HPRT1: variants seen among roughly 807,000 people sequenced by gnomAD.
HPRT1 encodes hypoxanthine-guanine phosphoribosyltransferase.
A neutral mutation model predicts 19.0 loss-of-function variants in HPRT1; 4 were observed. That is an observed-to-expected ratio of 0.21 (90% CI 0.10 to 0.48). The LOEUF (loss-of-function observed/expected upper bound fraction) is 0.48, where lower values mean the gene tolerates loss of function less well. Ranked by LOEUF, HPRT1 falls within the 20% of genes least tolerant of loss-of-function variation. The pLI, the probability that HPRT1 is intolerant of heterozygous loss-of-function variation, is 0.98. For synonymous variants in HPRT1, 53 were observed against 54.9 expected, an observed-to-expected ratio of 0.97 and a Z score of 0.15; for missense variants, 65 against 164.0, an observed-to-expected ratio of 0.40 and a Z score of 3.30.
rs779817345 is a variant in HPRT1, at chrX:134,467,041, C to CTTTTTTTTTTT, written c.28-6307_28-6297dup. Among the ~76,000 whole-genome samples, 22 of 61,003 alleles carry CTTTTTTTTTTT rather than the reference C, an allele frequency of 3.6e-4. 1 individual carries two copies. Among genetic ancestry groups the CTTTTTTTTTTT allele is most frequent in the African/African-American group, 1.5e-3 (21 of 13,657 alleles). 53.0% of individuals were successfully genotyped at this position (61,003 alleles called of 115,157 possible). The stretch of plus-strand genomic sequence containing the variant: ...TATGCCTTTCCCACTAGATTTTAAG[C>CTTTTTTTTTTT]TTTTTTTTTTTTTTTTTTTTTGTGA... On this transcript the variant is annotated intron_variant, in intron 1 of 8. Transcript: ENST00000298556.
At chrX:134,462,480 C>T (rs17882577) in intron 1 of HPRT1, among the ~76,000 whole-genome samples, 4,172 of 111,814 alleles carry the variant, frequency 0.037, 75 homozygotes, top group Middle Eastern at 0.065. Flanking sequence ...CTGCGCCCGG[C>T]CTAATATTTG....
At chrX:134,471,733 C>T (rs763185990) in intron 1 of HPRT1, among the ~76,000 whole-genome samples, 76 of 109,339 alleles carry the variant, frequency 7.0e-4, no homozygotes, top group African/African-American at 2.3e-3. Context: ...CTCCACCTCC[C>T]GGGCTCAGGT....
At chrX:134,485,929 A>G (rs934115463) in intron 3 of HPRT1, among the ~76,000 whole-genome samples, 1 of 112,135 alleles carries the variant, frequency 8.9e-6, no homozygotes, top group African/African-American at 3.2e-5. Context: ...GTATTCCTTA[A>G]AGGACTACTA....
At chrX:134,465,065 C>G (rs999663895) in intron 1 of HPRT1, among the ~76,000 whole-genome samples, 1 of 109,985 alleles carries the variant, frequency 9.1e-6, no homozygotes, top group Non-Finnish European at 1.9e-5. Context: ...GAATTACAGG[C>G]GCCCGCCACC....
chrX:134,464,558 A>G lies in HPRT1; in HGVS notation c.27+4220A>G, dbSNP rs970859203. 2.7e-5 allele frequency among the ~76,000 whole-genome samples: 3 copies of G among 112,071 alleles called. No individual in the cohort carries two copies. The Admixed American group carries it at 2.9e-4, about 11-fold the overall frequency. Reference sequence around the variant, plus strand: ...TATTGTTATACCTCTTTTAATTCACATAGCTCATTTTTATCTTTTATTTTT... The same window carrying G: ...TATTGTTATACCTCTTTTAATTCACGTAGCTCATTTTTATCTTTTATTTTT... On this transcript the variant is annotated intron_variant, in intron 1 of 8. Transcript: ENST00000298556.
intron 3 of HPRT1, among the ~76,000 whole-genome samples, chrX:134,480,766 T>TAC (rs748211684): frequency 3.5e-3 from 319 of 92,151 alleles, no homozygotes; most frequent in African/African-American, 6.3e-3. Flanking sequence ...TAACTTAAAA[T>TAC]ACACACACAC....
At chrX:134,481,824 A>C (rs2077641345) in intron 3 of HPRT1, among the ~76,000 whole-genome samples, 1 of 110,611 alleles carries the variant, frequency 9.0e-6, no homozygotes, top group African/African-American at 3.3e-5. Flanking sequence ...TGAAACCACA[A>C]ATTTTGTGAA....
chrX:134,472,089 G>A (rs1229968179), intron 1 of HPRT1, among the ~76,000 whole-genome samples: 3 of 110,815 alleles, frequency 2.7e-5, no homozygotes, highest in East Asian at 2.8e-4. Context: ...TTCTGCCTCC[G>A]CCTCCCGAGT....
chrX:134,476,358 C>T (rs1280924971), intron 3 of HPRT1, among the ~76,000 whole-genome samples: 1 of 112,345 alleles, frequency 8.9e-6, no homozygotes, highest in African/African-American at 3.2e-5. Context: ...TATGCCCATA[C>T]ATCATAACAC....
intron 4 of HPRT1, among the ~76,000 whole-genome samples, chrX:134,488,644 C>T (rs759845029): frequency 9.0e-6 from 1 of 111,263 alleles, no homozygotes; most frequent in South Asian, 3.8e-4. Flanking sequence ...GATGTAACTA[C>T]TTGATATAAT....
intron 3 of HPRT1, among the ~76,000 whole-genome samples, chrX:134,479,723 C>T (rs1469846095): frequency 3.6e-5 from 4 of 110,557 alleles, no homozygotes; most frequent in Non-Finnish European, 7.6e-5. Flanking sequence ...CTCCCACCTC[C>T]CTTTCCAGAG....
chrX:134,498,022 A>AT (rs1275773156), intron 6 of HPRT1, among the ~76,000 whole-genome samples: 1 of 111,839 alleles, frequency 8.9e-6, no homozygotes, highest in Non-Finnish European at 1.9e-5. Context: ...TAGGGATTGT[A>AT]TTTCCAAGGT....
chrX:134,475,383 TG>T lies in HPRT1; in HGVS notation c.318+20del. 1 of 1,031,166 alleles carries T rather than the reference TG, an allele frequency of 9.7e-7. No homozygotes were observed. Among genetic ancestry groups the T allele is most frequent in the Non-Finnish European group, 1.4e-6 (1 of 733,174 alleles). 85.0% of individuals were successfully genotyped at this position (1,031,166 alleles called of 1,213,427 possible). A position where few individuals can be genotyped will look rare whatever the true frequency, so the allele number is the denominator to read the frequency against. On this transcript the variant is annotated intron_variant, in intron 3 of 8. Transcript: ENST00000298556. ...CTATTGTGTGAGTATATTTAATATATGATTCTTTTTAGTGGCAACAGTAGGT... is the reference window on the plus strand; with the variant it reads ...CTATTGTGTGAGTATATTTAATATATATTCTTTTTAGTGGCAACAGTAGGT...
At chrX:134,464,899 A>C (rs1023992471) in intron 1 of HPRT1, among the ~76,000 whole-genome samples, 6 of 108,417 alleles carry the variant, frequency 5.5e-5, no homozygotes, top group African/African-American at 2.0e-4. Context: ...ACTTCCATTA[A>C]GTCTTGTTTG....
At chrX:134,471,967 G>A (rs1382001356) in intron 1 of HPRT1, among the ~76,000 whole-genome samples, 1 of 109,766 alleles carries the variant, frequency 9.1e-6, no homozygotes, top group African/African-American at 3.3e-5. Context: ...TTTTTTGTTT[G>A]TTTTGTTTTG....
chrX:134,498,657 C>T lies in HPRT1; in HGVS notation c.582C>T (p.Asp194=). The T allele has an allele frequency of 8.5e-7, 1 of 1,174,616 alleles. No individual in the cohort carries two copies. Among genetic ancestry groups the T allele is most frequent in the South Asian group, 1.8e-5 (1 of 56,111 alleles). The part of the protein sequence containing the change: ...PDKFVVGYAL[D]YNEYFRDLNH... ...AGTTTGTTGTAGGATATGCCCTTGACTATAATGAATACTTCAGGGATTTGA... is the reference window on the plus strand; with the variant it reads ...AGTTTGTTGTAGGATATGCCCTTGATTATAATGAATACTTCAGGGATTTGA... The change falls in exon 8 of 9, where the codon GAC becomes GAT. Residue 194 remains aspartate (D), a synonymous_variant. Coordinates refer to ENST00000298556, the MANE Select transcript of HPRT1 (RefSeq NM_000194.3).
At chrX:134,477,015 G>GTTTATTTTATTTTAT (rs200027842) in intron 3 of HPRT1, among the ~76,000 whole-genome samples, 5 of 97,714 alleles carry the variant, frequency 5.1e-5, no homozygotes, top group Non-Finnish European at 1.0e-4. Flanking sequence ...TTATTGATAT[G>GTTTATTTTATTTTAT]TTTATTTTAT....
chrX:134,461,830 GCTCT>G (rs933053833), intron 1 of HPRT1, among the ~76,000 whole-genome samples: 2 of 111,383 alleles, frequency 1.8e-5, no homozygotes, highest in Admixed American at 1.9e-4. Flanking sequence ...CTCGAACCTA[GCTCT>G]CTCTCTCTCG....
intron 1 of HPRT1, among the ~76,000 whole-genome samples, chrX:134,464,000 A>AT (rs760946117): frequency 4.5e-4 from 50 of 111,554 alleles, no homozygotes; most frequent in African/African-American, 1.6e-3. Flanking sequence ...CTGATAACTG[A>AT]TAAGTATAAT....
Sources: gnomAD v4.1 joint callset for allele counts (sites outside exome capture counted in the v4.1 genomes callset) on GRCh38, gnomAD v4.1.1 for gene constraint, MANE v1.5 for transcripts, NCBI Gene and HGNC (gene_info 2026-07-23, HGNC 2026-07-21) for gene names.